The following SCUBE1 variants were observed in gnomAD, a reference collection of about 807,000 sequenced individuals.
SCUBE1 encodes the protein signal peptide, CUB domain and EGF like domain containing 1.
In SCUBE1, 59 loss-of-function variants were observed where a neutral mutation model predicts 124.4. That is an observed-to-expected ratio of 0.47 (90% CI 0.38 to 0.59). The LOEUF (loss-of-function observed/expected upper bound fraction) is 0.59, where lower values mean the gene tolerates loss of function less well. Among genes scored for constraint, SCUBE1 ranks in the 20% least tolerant of loss-of-function variants. SCUBE1 has a pLI of 0.00. For missense variants in SCUBE1, 1,150 were observed against 1,371.2 expected (o/e 0.84, Z 2.55); for synonymous variants, 545 against 550.9 (o/e 0.99, Z 0.15).
At chr22:43,226,207 G>A (rs913619524) in intron 10 of SCUBE1, among the ~76,000 whole-genome samples, 1 of 152,184 alleles carries the variant, frequency 6.6e-6, no homozygotes, top group Non-Finnish European at 1.5e-5. Flanking sequence ...ATTCTAGTGA[G>A]GAGAGAGAGA....
chr22:43,247,036 A>G (rs1258447795), intron 6 of SCUBE1, among the ~76,000 whole-genome samples: 2 of 152,230 alleles, frequency 1.3e-5, no homozygotes, highest in Non-Finnish European at 2.9e-5. Flanking sequence ...GGCTCCCGTC[A>G]GCCCACCACT....
intron 4 of SCUBE1, among the ~76,000 whole-genome samples, chr22:43,288,104 G>T (rs537920210): frequency 6.6e-6 from 1 of 152,328 alleles, no homozygotes; most frequent in Admixed American, 6.5e-5. Flanking sequence ...CAAAAAATCA[G>T]GAGAGGCCAC....
At chr22:43,223,580 G>T (rs954520476) in intron 10 of SCUBE1, among the ~76,000 whole-genome samples, 9 of 152,270 alleles carry the variant, frequency 5.9e-5, no homozygotes, top group Non-Finnish European at 1.2e-4. Context: ...GAGGGGCCGT[G>T]GGGGGGATCG....
In SCUBE1 at chr22:43,320,023, A is replaced by G; in HGVS notation, c.263T>C (p.Val88Ala). 1 of 1,614,164 alleles carries G rather than the reference A, an allele frequency of 6.2e-7. No individual in the cohort carries two copies. The highest frequency in any genetic ancestry group is 8.5e-7 in the Non-Finnish European group (1 of 1,180,012). ...CENDYYNGGC[V>A]HECINIPGNY... Reference sequence around the variant, plus strand: ...CCCCGGGATGTTGATGCACTCGTGGACACAGCCCCCATTGTAGTAGTCATT... The same window carrying G: ...CCCCGGGATGTTGATGCACTCGTGGGCACAGCCCCCATTGTAGTAGTCATT... The change falls in exon 3 of 22, where the codon GTC becomes GCC. Residue 88 changes from valine (V) to alanine (A), a missense_variant. By Grantham distance (64) the Val-to-Ala change is moderately conservative. Coordinates refer to ENST00000360835, the MANE Select transcript of SCUBE1 (RefSeq NM_173050.5).
chr22:43,342,451 T>C (rs1927352843), intron 1 of SCUBE1, among the ~76,000 whole-genome samples: 1 of 151,992 alleles, frequency 6.6e-6, no homozygotes, highest in South Asian at 2.1e-4. Flanking sequence ...GTCCCTCGTC[T>C]GCGGCTTTCC....
intron 2 of SCUBE1, among the ~76,000 whole-genome samples, chr22:43,328,606 A>G (rs1926803619): frequency 6.6e-6 from 1 of 152,188 alleles, no homozygotes; most frequent in Non-Finnish European, 1.5e-5. Context: ...AAGGGAGCTG[A>G]AAGACAAATC....
At chr22:43,313,037 T>C (rs998215592) in intron 3 of SCUBE1, among the ~76,000 whole-genome samples, 5 of 152,170 alleles carry the variant, frequency 3.3e-5, no homozygotes, top group African/African-American at 1.2e-4. Context: ...TCACTAGGCC[T>C]CAGTTTCCTC....
intron 4 of SCUBE1, among the ~76,000 whole-genome samples, chr22:43,269,687 T>C (rs1043097101): frequency 1.3e-4 from 19 of 151,982 alleles, no homozygotes; most frequent in African/African-American, 4.1e-4. Context: ...CAATAGAAAG[T>C]TATGGAGCCA....
intron 4 of SCUBE1, among the ~76,000 whole-genome samples, chr22:43,290,371 C>T (rs539488128): frequency 6.6e-6 from 1 of 152,364 alleles, no homozygotes; most frequent in Admixed American, 6.5e-5. Context: ...TCTGCCGCCA[C>T]CTCACAGCTC....
intron 3 of SCUBE1, among the ~76,000 whole-genome samples, chr22:43,293,535 C>T (rs1025839177): frequency 6.6e-5 from 10 of 152,276 alleles, no homozygotes; most frequent in Admixed American, 2.0e-4. Flanking sequence ...AACTTGAGCA[C>T]GTGCACGTCA....
intron 5 of SCUBE1, among the ~76,000 whole-genome samples, chr22:43,259,693 TG>T (rs972387369): frequency 1.3e-5 from 2 of 152,168 alleles, no homozygotes; most frequent in African/African-American, 4.8e-5. Flanking sequence ...TGGCTTGATA[TG>T]GGGACAGGTG....
At chr22:43,231,610 C>A in intron 8 of SCUBE1, 143 bp downstream of exon 8, 1 of 967,008 alleles carries the variant, frequency 1.0e-6, no homozygotes, top group Non-Finnish European at 1.5e-6. Context: ...TGGATGTCCC[C>A]TAGAGTCGTA....
chr22:43,204,868 C>T (rs551422181), intron 21 of SCUBE1, among the ~76,000 whole-genome samples: 3 of 150,320 alleles, frequency 2.0e-5, no homozygotes, highest in African/African-American at 7.4e-5. Context: ...TGCTTGAAAC[C>T]GGGAGGCGGA....
intron 10 of SCUBE1, 46 bp from the exon 11 acceptor site, chr22:43,223,262 G>T: frequency 6.5e-7 from 1 of 1,534,194 alleles, no homozygotes. Flanking sequence ...CCAGGGCGGA[G>T]GCTTCCTGGA....
chr22:43,322,853 TG>T (rs1926603258), intron 2 of SCUBE1, among the ~76,000 whole-genome samples: 1 of 152,248 alleles, frequency 6.6e-6, no homozygotes, highest in Non-Finnish European at 1.5e-5. Flanking sequence ...TCTCTCATCT[TG>T]TACCTCAGAA....
At chr22:43,223,364 C>G (rs547380375) in intron 10 of SCUBE1, 148 bp from the exon 11 acceptor site, 4 of 838,548 alleles carry the variant, frequency 4.8e-6, no homozygotes, top group Admixed American at 6.5e-5. Context: ...GCCTGGAGAT[C>G]GCAGGTCCCT....
intron 4 of SCUBE1, among the ~76,000 whole-genome samples, chr22:43,275,098 G>T (rs1207330761): frequency 6.6e-6 from 1 of 152,230 alleles, no homozygotes; most frequent in Non-Finnish European, 1.5e-5. Context: ...TGGAGGCGAG[G>T]CTGGGCAGCG....
chr22:43,235,931 G>C (rs1402788619), intron 7 of SCUBE1, among the ~76,000 whole-genome samples: 1 of 151,978 alleles, frequency 6.6e-6, no homozygotes, highest in Non-Finnish European at 1.5e-5. Context: ...CCTCGTCCCC[G>C]ACATTTGGAC....
In SCUBE1 at chr22:43,343,205, G is replaced by T; in HGVS notation, c.57C>A (p.Arg19=). The T allele has an allele frequency of 8.3e-7, 1 of 1,204,884 alleles. No homozygotes were observed. Among genetic ancestry groups the T allele is most frequent in the South Asian group, 2.7e-5 (1 of 36,798 alleles). The allele number at this position is 1,204,884 out of a possible 1,614,324, so 74.6% of individuals were successfully genotyped here. The part of the protein sequence containing the change: ...HLCVLLALGT[R]GRLAGGSGLP... ...GCCCGCTGCCCCCGGCCAGCCGCCC[G>T]CGTGTGCCCAGGGCCAGCAGCACGC... Residue 19 remains arginine (R), a synonymous_variant, in exon 1 of 22, where the codon CGC becomes CGA. Coordinates refer to ENST00000360835, the MANE Select transcript of SCUBE1 (RefSeq NM_173050.5).
Sources: gnomAD v4.1 joint callset for allele counts (sites outside exome capture counted in the v4.1 genomes callset) on GRCh38, gnomAD v4.1.1 for gene constraint, MANE v1.5 for transcripts, NCBI Gene and HGNC (gene_info 2026-07-23, HGNC 2026-07-21) for gene names.